The following PRKAR1B variants were observed in gnomAD, a reference collection of about 807,000 sequenced individuals.
The protein encoded by PRKAR1B is cAMP-dependent protein kinase type I-beta regulatory subunit.
Under a neutral mutation model 46.5 loss-of-function variants are expected in PRKAR1B, and 22 were observed. The ratio of observed to expected loss-of-function variants is 0.47; its 90% CI spans 0.34 to 0.68. PRKAR1B has a LOEUF of 0.68. Ranked by LOEUF, PRKAR1B falls within the 30% of genes least tolerant of loss-of-function variation. The pLI is 0.01. For synonymous variants in PRKAR1B, 259 were observed against 217.7 expected (o/e 1.19, Z -1.67); for missense variants, 445 against 535.6 (o/e 0.83, Z 1.67).
chr7:620,377 A>T (rs1731278132), intron 4 of PRKAR1B, among the ~76,000 whole-genome samples: 1 of 152,164 alleles, frequency 6.6e-6, no homozygotes, highest in Non-Finnish European at 1.5e-5. Context: ...GTTGTCAAGC[A>T]CATTCCACTT....
chr7:700,558 G>A (rs984225502), intron 2 of PRKAR1B, among the ~76,000 whole-genome samples: 10 of 152,046 alleles, frequency 6.6e-5, no homozygotes, highest in South Asian at 2.1e-4. Flanking sequence ...TAGAGATGAC[G>A]GGATTATCAG....
intron 4 of PRKAR1B, among the ~76,000 whole-genome samples, chr7:676,115 C>T (rs914686590): frequency 3.9e-4 from 59 of 152,202 alleles, no homozygotes; most frequent in Admixed American, 1.3e-3. Context: ...ATGCTGTTAC[C>T]GACGGGATCT....
intron 9 of PRKAR1B, among the ~76,000 whole-genome samples, chr7:572,300 G>A (rs1779565576): frequency 6.6e-6 from 1 of 152,220 alleles, no homozygotes; most frequent in Non-Finnish European, 1.5e-5. Flanking sequence ...TCCAACAGCT[G>A]TGGGGATCGG....
chr7:558,448 T>C (rs1455012437), intron 9 of PRKAR1B, among the ~76,000 whole-genome samples: 1 of 151,332 alleles, frequency 6.6e-6, no homozygotes, highest in Non-Finnish European at 1.5e-5. Flanking sequence ...AATGGGCAGG[T>C]ATGACTTTGA....
chr7:567,819 G>A (rs1027321932), intron 9 of PRKAR1B, among the ~76,000 whole-genome samples: 3 of 151,318 alleles, frequency 2.0e-5, no homozygotes, highest in Admixed American at 2.0e-4. Context: ...AGGCAGTAGA[G>A]TTCAAACTCA....
At chr7:583,447 T>TCACACACGTGCA (rs1367308274) in intron 8 of PRKAR1B, among the ~76,000 whole-genome samples, 1 of 48,054 alleles carries the variant, frequency 2.1e-5, no homozygotes, top group African/African-American at 7.1e-5. Context: ...CAGTGCACAC[T>TCACACACGTGCA]CACACCCACT....
At position 602,351 on chromosome 7, in the gene PRKAR1B, T is replaced by G; in HGVS notation, c.549+3842A>C. 6.6e-6 allele frequency among the ~76,000 whole-genome samples: 1 copy of G among 150,614 alleles called. No homozygotes were observed. The highest frequency in any genetic ancestry group is 2.1e-4 in the South Asian group (1 of 4,722). On this transcript the variant is annotated intron_variant, in intron 6 of 10. Transcript: ENST00000537384. This position sits in a 1 kb window ranked among gnomAD's most constrained non-coding sequence, Gnocchi z 6.4. ...GGAGATGCCTCACTGAGTCCAGAGG[T>G]CGAGGGGTGGGTGGGGATTCTGCGA...
chr7:660,767 T>C (rs372116902), intron 4 of PRKAR1B, among the ~76,000 whole-genome samples: 1,168 of 35,914 alleles, frequency 0.033, no homozygotes, highest in Middle Eastern at 0.048. Flanking sequence ...TACTCTCCCC[T>C]CCATAGCACA....
At chr7:572,170 C>T (rs985632654) in intron 9 of PRKAR1B, among the ~76,000 whole-genome samples, 3 of 152,200 alleles carry the variant, frequency 2.0e-5, no homozygotes, top group Non-Finnish European at 2.9e-5. Flanking sequence ...GCTCAGGGCT[C>T]CCGCTGACGC....
At chr7:564,336 G>C (rs1259092600) in intron 9 of PRKAR1B, among the ~76,000 whole-genome samples, 2 of 152,256 alleles carry the variant, frequency 1.3e-5, no homozygotes, top group Admixed American at 1.3e-4. Context: ...CCGTGGCTCC[G>C]TGGCCAGCCT....
At chr7:728,293 G>A (rs1400463459), upstream of PRKAR1B, among the ~76,000 whole-genome samples, 3 of 152,202 alleles carry the variant, frequency 2.0e-5, no homozygotes, top group African/African-American at 7.2e-5. Flanking sequence ...TCCGTGGGCG[G>A]TAGGGAGCAG....
intron 2 of PRKAR1B, among the ~76,000 whole-genome samples, chr7:701,403 T>C (rs2128522480): frequency 6.6e-6 from 1 of 152,166 alleles, no homozygotes; most frequent in South Asian, 2.1e-4. Context: ...TATTTTAAAA[T>C]CTAACATTCA....
chr7:583,073 G>A (rs989903976), intron 8 of PRKAR1B, among the ~76,000 whole-genome samples: 8 of 152,062 alleles, frequency 5.3e-5, no homozygotes, highest in African/African-American at 1.9e-4. Flanking sequence ...GGGCAGGGGG[G>A]GTGACGGCTC....
At chr7:632,330 C>A (rs1208005063) in intron 4 of PRKAR1B, among the ~76,000 whole-genome samples, 1 of 152,184 alleles carries the variant, frequency 6.6e-6, no homozygotes, top group South Asian at 2.1e-4. Context: ...CTCGCCGAAG[C>A]CGGCACCGGC....
At chr7:572,096 C>T (rs1779553618) in intron 9 of PRKAR1B, among the ~76,000 whole-genome samples, 1 of 152,192 alleles carries the variant, frequency 6.6e-6, no homozygotes, top group Non-Finnish European at 1.5e-5. Flanking sequence ...TATCCAGCTC[C>T]CCTCACCCCG....
upstream of PRKAR1B, among the ~76,000 whole-genome samples, chr7:727,833 C>G (rs1379867050): frequency 1.3e-5 from 2 of 150,064 alleles, no homozygotes; most frequent in Non-Finnish European, 3.0e-5. Context: ...CCCTCCACCC[C>G]ACCCGGGCCC....
chr7:551,901 C>CG (rs1162474062), intron 9 of PRKAR1B, among the ~76,000 whole-genome samples: 1 of 128,742 alleles, frequency 7.8e-6, no homozygotes, highest in Admixed American at 7.6e-5. Flanking sequence ...GGTCCTTCTC[C>CG]AGAGCCACTG....
rs117729983 is a variant in PRKAR1B at position 637,464 on chromosome 7, C to T, written c.441-30012G>A. ...TGTTTATTAAAATGCTTTATACAGT[C>T]TTTAAACCTAAGGAAAAAATAAAAT... On this transcript the variant is annotated intron_variant, in intron 4 of 10. Transcript: ENST00000537384. Among the ~76,000 whole-genome samples the T allele has an allele frequency of 4.1e-3, 622 of 152,124 alleles. 1 individual carries two copies. The highest frequency in any genetic ancestry group is 0.02 in the South Asian group (95 of 4,824).
chr7:726,268 G>C (rs564462667), intron 1 of PRKAR1B, among the ~76,000 whole-genome samples: 10 of 152,350 alleles, frequency 6.6e-5, no homozygotes, highest in Non-Finnish European at 1.5e-4. Flanking sequence ...GGGGGATCCA[G>C]TCCACAGAAC....
Sources: gnomAD v4.1 joint callset for allele counts (sites outside exome capture counted in the v4.1 genomes callset) on GRCh38, gnomAD v4.1.1 for gene constraint, Gnocchi (gnomAD v3.1) non-coding constraint, MANE v1.5 for transcripts, NCBI Gene and HGNC (gene_info 2026-07-23, HGNC 2026-07-21) for gene names.